AFF2: variants seen among roughly 807,000 people sequenced by gnomAD.
AFF2 encodes AF4/FMR2 family member 2.
In AFF2, 14 loss-of-function variants were observed where a neutral mutation model predicts 76.9. That is an observed-to-expected ratio of 0.18 (90% CI 0.12 to 0.28). AFF2 has a LOEUF of 0.28. Among genes scored for constraint, AFF2 ranks in the 10% least tolerant of loss-of-function variants. The probability of loss-of-function intolerance (pLI) is 1.00; values close to 1 mark genes in which losing one functional copy is unlikely to be tolerated. For missense variants in AFF2, 868 were observed against 1,001.1 expected, an observed-to-expected ratio of 0.87 and a Z score of 1.79; for synonymous variants, 398 against 366.7, an observed-to-expected ratio of 1.09 and a Z score of -0.98.
At chrX:148,851,898 C>A (rs782068595) in intron 7 of AFF2, among the ~76,000 whole-genome samples, 1 of 109,568 alleles carries the variant, frequency 9.1e-6, no homozygotes, top group East Asian at 2.9e-4. Context: ...TCAAGTAGAC[C>A]CCAGTATCTG....
intron 3 of AFF2, among the ~76,000 whole-genome samples, chrX:148,743,038 G>A (rs1557265816): frequency 9.0e-6 from 1 of 111,683 alleles, no homozygotes; most frequent in Non-Finnish European, 1.9e-5. Flanking sequence ...CCTGTTTATA[G>A]CTCTATTTCT....
chrX:148,532,008 A>C (rs1557235981), intron 1 of AFF2, among the ~76,000 whole-genome samples: 26 of 110,863 alleles, frequency 2.3e-4, no homozygotes. Context: ...CATCATCATC[A>C]CCAAAAGTAC....
At chrX:148,942,871 C>T (rs2071857114) in intron 9 of AFF2, among the ~76,000 whole-genome samples, 1 of 109,766 alleles carries the variant, frequency 9.1e-6, no homozygotes, top group African/African-American at 3.3e-5. Context: ...AATGATGAGT[C>T]AGGAAGAGAA....
chrX:148,687,509 T>C (rs1389435248), intron 3 of AFF2, among the ~76,000 whole-genome samples: 1 of 111,771 alleles, frequency 8.9e-6, no homozygotes, highest in African/African-American at 3.2e-5. Flanking sequence ...TTTTCAAATG[T>C]CATTTAGCTG....
At chrX:148,744,752 G>A (rs1005585740) in intron 3 of AFF2, among the ~76,000 whole-genome samples, 7 of 111,752 alleles carry the variant, frequency 6.3e-5, no homozygotes, top group African/African-American at 2.0e-4. Context: ...TGTCACTTTA[G>A]TGAGTTTTGT....
intron 8 of AFF2, among the ~76,000 whole-genome samples, chrX:148,889,727 A>C (rs1249134291): frequency 9.0e-6 from 1 of 111,638 alleles, no homozygotes; most frequent in Admixed American, 9.5e-5. Context: ...AGTGTAGGAG[A>C]GCGTGTGAGA....
chrX:148,656,106 G>A (rs1410951937), intron 2 of AFF2, among the ~76,000 whole-genome samples: 1 of 111,640 alleles, frequency 9.0e-6, no homozygotes, highest in Non-Finnish European at 1.9e-5. Context: ...TCATGTTCCT[G>A]GCTAATTTCT....
At chrX:148,913,591 G>A (rs2071494710) in intron 9 of AFF2, among the ~76,000 whole-genome samples, 1 of 111,868 alleles carries the variant, frequency 8.9e-6, no homozygotes, top group African/African-American at 3.2e-5. Flanking sequence ...GAAACAAAAA[G>A]CACCCATTTA....
At chrX:148,975,430 C>T (rs1402013360) in intron 16 of AFF2, among the ~76,000 whole-genome samples, 2 of 111,770 alleles carry the variant, frequency 1.8e-5, no homozygotes, top group South Asian at 7.6e-4. Context: ...ACTATGCAGC[C>T]GCACAAAATA....
At chrX:148,769,765 A>C (rs919365007) in intron 3 of AFF2, among the ~76,000 whole-genome samples, 1 of 111,311 alleles carries the variant, frequency 9.0e-6, no homozygotes, top group African/African-American at 3.3e-5. Context: ...TTCCAAACCC[A>C]GACCCCTTCT....
At position 148,621,331 on chromosome X, in the gene AFF2, A is replaced by G. The variant is rs1171141692; in HGVS notation, c.48-30668A>G. Among the ~76,000 whole-genome samples the G allele has an allele frequency of 2.7e-5, 3 of 111,169 alleles. No homozygotes were observed. The Admixed American group carries it at 2.9e-4, about 11-fold the overall frequency. On this transcript the variant is annotated intron_variant, in intron 1 of 20. Transcript: ENST00000370460. ...TCTAATTTTTGGTGGTCTTTTTTGG[A>G]GTATTGGATGACTTATTGAAGTTCC...
chrX:148,711,003 A>T (rs1037979775), intron 3 of AFF2, among the ~76,000 whole-genome samples: 26 of 111,974 alleles, frequency 2.3e-4, no homozygotes, highest in African/African-American at 7.8e-4. Context: ...GTAATGAATT[A>T]TACCTGATTA....
chrX:148,849,556 T>C (rs2070709879), intron 7 of AFF2, among the ~76,000 whole-genome samples: 1 of 110,419 alleles, frequency 9.1e-6, no homozygotes, highest in African/African-American at 3.3e-5. Context: ...CTGCACATCA[T>C]TGTCTCAAGG....
intron 1 of AFF2, among the ~76,000 whole-genome samples, chrX:148,625,761 A>C (rs1157189848): frequency 8.9e-6 from 1 of 111,918 alleles, no homozygotes; most frequent in Non-Finnish European, 1.9e-5. Flanking sequence ...AAAATGCATT[A>C]GTTCAATTTA....
intron 1 of AFF2, among the ~76,000 whole-genome samples, chrX:148,548,595 A>G (rs943693754): frequency 1.8e-4 from 20 of 110,883 alleles, no homozygotes; most frequent in Non-Finnish European, 3.0e-4. Flanking sequence ...CCACCACACC[A>G]GGCTAATTTT....
rs1320518499 is a variant in AFF2 at position 148,953,798 on chromosome X, A to AACACACACAC, written c.1557+65_1557+74dup. 56 of 836,919 alleles carry AACACACACAC rather than the reference A, an allele frequency of 6.7e-5. No homozygotes were observed. The African/African-American group carries it at 9.9e-4, about 15-fold the overall frequency. The allele number at this position is 836,919 out of a possible 1,213,427, so 69.0% of individuals were successfully genotyped here. A position where few individuals can be genotyped will look rare whatever the true frequency, so the allele number is the denominator to read the frequency against. On this transcript the variant is annotated intron_variant, in intron 10 of 20. Transcript: ENST00000370460. ...TGCCTGTCCCACAGGCAGCACCCTC[A>AACACACACAC]ACACACACACACACAGACACACACA...
At chrX:148,520,297 G>A (rs781987177) in intron 1 of AFF2, among the ~76,000 whole-genome samples, 8 of 112,311 alleles carry the variant, frequency 7.1e-5, no homozygotes, top group Non-Finnish European at 1.5e-4. Context: ...TGTTCTAGAA[G>A]CTTTTGTGAA....
chrX:148,677,779 C>T (rs2054501500), intron 3 of AFF2, among the ~76,000 whole-genome samples: 1 of 112,061 alleles, frequency 8.9e-6, no homozygotes, highest in Non-Finnish European at 1.9e-5. Flanking sequence ...CCCTCAGTCC[C>T]TATGATAAAA....
At chrX:148,597,029 G>C (rs1222463423) in intron 1 of AFF2, among the ~76,000 whole-genome samples, 4 of 111,913 alleles carry the variant, frequency 3.6e-5, no homozygotes, top group Non-Finnish European at 7.5e-5. Context: ...AAAGGGTTAT[G>C]ACATCTGCTG....
Sources: allele counts gnomAD v4.1 joint callset (sites outside exome capture counted in the v4.1 genomes callset), GRCh38; gene constraint gnomAD v4.1.1; transcripts MANE v1.5; gene names NCBI Gene and HGNC (gene_info 2026-07-23, HGNC 2026-07-21).